COLEC12: variants seen among roughly 807,000 people sequenced by gnomAD.
COLEC12 encodes collectin subfamily member 12.
In COLEC12, 33 loss-of-function variants were observed where a neutral mutation model predicts 71.1. That is an observed-to-expected ratio of 0.46 (90% CI 0.35 to 0.62). COLEC12 has a LOEUF of 0.62. Ranked by LOEUF, COLEC12 falls within the 20% of genes least tolerant of loss-of-function variation. COLEC12 has a pLI of 0.00. For synonymous variants in COLEC12, 350 were observed against 353.0 expected (o/e 0.99, Z 0.10); for missense variants, 765 against 916.1 (o/e 0.84, Z 2.13).
Position 480,536 on chromosome 18 carries a change from A to C in COLEC12, c.58+171T>G, listed in dbSNP as rs1917393636. 6.6e-6 allele frequency among the ~76,000 whole-genome samples: 1 copy of C among 152,014 alleles called. No homozygotes were observed. Among genetic ancestry groups the C allele is most frequent in the Admixed American group, 6.6e-5 (1 of 15,264 alleles). ...CCCATGGCCCCTCAGAATTGTGAGA[A>C]ACCCTCCCCCTGGGACACAGACACT... On this transcript the variant is annotated intron_variant, in intron 2 of 9. Transcript: ENST00000400256. This position sits in a 1 kb window ranked among gnomAD's most constrained non-coding sequence, Gnocchi z 4.1.
At chr18:431,774 T>C (rs1056596257) in intron 2 of COLEC12, among the ~76,000 whole-genome samples, 1 of 152,116 alleles carries the variant, frequency 6.6e-6, no homozygotes, top group Non-Finnish European at 1.5e-5. Context: ...CAACACATAG[T>C]ATGTTGGGAA....
chr18:498,252 A>T (rs1917748962), intron 1 of COLEC12, among the ~76,000 whole-genome samples: 1 of 152,180 alleles, frequency 6.6e-6, no homozygotes, highest in Non-Finnish European at 1.5e-5. Context: ...AGTAGGTACT[A>T]AAAAATTATT....
Position 500,505 on chromosome 18 carries a change from T to TA in COLEC12, c.7+2dup. ...GAGCCCCGCGGAGCTGCCGCCGCCC[T>TA]ACCTTTCATGGTGACCGTGGGGACG... On this transcript the variant is annotated splice_region_variant and intron_variant, in intron 1 of 9. Coordinates refer to ENST00000400256, the MANE Select transcript of COLEC12 (RefSeq NM_130386.3). This position sits in a 1 kb window ranked among gnomAD's most constrained non-coding sequence, Gnocchi z 5.3. The TA allele has an allele frequency of 1.6e-6, 2 of 1,224,880 alleles. No individual in the cohort carries two copies. Among genetic ancestry groups the TA allele is most frequent in the Non-Finnish European group, 2.0e-6 (2 of 983,542 alleles). 75.9% of individuals were successfully genotyped at this position (1,224,880 alleles called of 1,614,324 possible).
chr18:483,789 C>T (rs914979626), intron 1 of COLEC12, among the ~76,000 whole-genome samples: 7 of 152,184 alleles, frequency 4.6e-5, no homozygotes, highest in East Asian at 1.9e-4. Context: ...TTAAGAGAAA[C>T]GCTGACCTGC....
At chr18:351,772 A>C (rs1267638580) in intron 3 of COLEC12, among the ~76,000 whole-genome samples, 3 of 152,152 alleles carry the variant, frequency 2.0e-5, no homozygotes, top group African/African-American at 7.2e-5. Flanking sequence ...TTTAGGGTAC[A>C]TGTGCACAAC....
intron 2 of COLEC12, among the ~76,000 whole-genome samples, chr18:379,537 G>C (rs909991337): frequency 3.3e-5 from 5 of 152,246 alleles, no homozygotes; most frequent in African/African-American, 1.2e-4. Flanking sequence ...AAGGGAAAAA[G>C]GAAGAAGTAA....
chr18:498,835 T>C (rs1190852065), intron 1 of COLEC12, among the ~76,000 whole-genome samples: 1 of 152,132 alleles, frequency 6.6e-6, no homozygotes, highest in Admixed American at 6.5e-5. Flanking sequence ...CATAAATCTC[T>C]CCAAAAATGT....
At chr18:490,858 G>T (rs1283740294) in intron 1 of COLEC12, among the ~76,000 whole-genome samples, 1 of 152,334 alleles carries the variant, frequency 6.6e-6, no homozygotes, top group East Asian at 1.9e-4. Flanking sequence ...AAGGACCGTG[G>T]ACAGGGACTA....
intron 1 of COLEC12, among the ~76,000 whole-genome samples, chr18:491,809 A>G (rs1378526180): frequency 6.6e-6 from 1 of 152,196 alleles, no homozygotes; most frequent in African/African-American, 2.4e-5. Flanking sequence ...GGCTGTAAAA[A>G]CTGAAGAAAG....
intron 7 of COLEC12, 109 bp from the exon 8 acceptor site, chr18:331,886 T>G: frequency 1.5e-6 from 1 of 688,826 alleles, no homozygotes; most frequent in Non-Finnish European, 2.5e-6. Context: ...AGAGGATGGT[T>G]GTCAGAATGT....
At chr18:336,817 G>C (rs1451165200) in intron 5 of COLEC12, among the ~76,000 whole-genome samples, 1 of 151,994 alleles carries the variant, frequency 6.6e-6, no homozygotes, top group Admixed American at 6.6e-5. Context: ...ATAAGTAAAA[G>C]GCCACACTTA....
At chr18:467,930 T>C (rs1917118122) in intron 2 of COLEC12, among the ~76,000 whole-genome samples, 1 of 152,108 alleles carries the variant, frequency 6.6e-6, no homozygotes, top group African/African-American at 2.4e-5. Flanking sequence ...AAAATATTTA[T>C]TTTGAATTGT....
At chr18:461,696 T>C (rs1042228916) in intron 2 of COLEC12, among the ~76,000 whole-genome samples, 25 of 152,166 alleles carry the variant, frequency 1.6e-4, no homozygotes, top group African/African-American at 3.6e-4. Context: ...CTAAGAGATT[T>C]TTTTTTTCTT....
In COLEC12 at chr18:480,688, C is replaced by G. The variant is rs1917396854; in HGVS notation, c.58+19G>C. 6.2e-7 allele frequency: 1 copy of G among 1,612,162 alleles called. No homozygotes were observed. The highest frequency in any genetic ancestry group is 8.5e-7 in the Non-Finnish European group (1 of 1,178,270). On this transcript the variant is annotated intron_variant, in intron 2 of 9. Transcript: ENST00000400256. This position sits in a 1 kb window ranked among gnomAD's most constrained non-coding sequence, Gnocchi z 4.1. ...CCAGGTTGACCACTGAGAAGGAACACAGCTTTGTTAGGACTCACCAAACCG... is the reference window on the plus strand; with the variant it reads ...CCAGGTTGACCACTGAGAAGGAACAGAGCTTTGTTAGGACTCACCAAACCG...
chr18:465,344 C>G (rs770641132), intron 2 of COLEC12, among the ~76,000 whole-genome samples: 2 of 152,174 alleles, frequency 1.3e-5, no homozygotes, highest in Non-Finnish European at 2.9e-5. Context: ...CTCAAGTGAT[C>G]CGCCCACCCT....
chr18:401,933 G>T (rs9953481), intron 2 of COLEC12, among the ~76,000 whole-genome samples: 34,550 of 151,928 alleles, frequency 0.23, 4,140 homozygotes, highest in Middle Eastern at 0.27. Flanking sequence ...TGACATGTGG[G>T]TCCAACAAGG....
chr18:375,383 G>T (rs368222204), intron 2 of COLEC12, among the ~76,000 whole-genome samples: 1 of 151,576 alleles, frequency 6.6e-6, no homozygotes, highest in African/African-American at 2.4e-5. Flanking sequence ...CCCTTTTTTC[G>T]GGTTTTTACT....
At chr18:424,487 GT>G (rs1413487279) in intron 2 of COLEC12, 2 of 152,152 alleles carry the variant, frequency 1.3e-5, no homozygotes, top group African/African-American at 4.8e-5. Flanking sequence ...AGCCTTTGAG[GT>G]TTTTCCTATG....
At chr18:370,979 T>C (rs990908513) in intron 2 of COLEC12, among the ~76,000 whole-genome samples, 1 of 152,232 alleles carries the variant, frequency 6.6e-6, no homozygotes, top group African/African-American at 2.4e-5. Context: ...CAGAAAATGT[T>C]CGTTCCTAAA....
Sources: gnomAD v4.1 joint callset for allele counts (sites outside exome capture counted in the v4.1 genomes callset) on GRCh38, gnomAD v4.1.1 for gene constraint, Gnocchi (gnomAD v3.1) non-coding constraint, MANE v1.5 for transcripts, NCBI Gene and HGNC (gene_info 2026-07-23, HGNC 2026-07-21) for gene names.